CDKL1: variants seen among roughly 807,000 people sequenced by gnomAD.
CDKL1 encodes the protein cyclin dependent kinase like 1.
In CDKL1, 41 loss-of-function variants were observed where a neutral mutation model predicts 42.0. The ratio of observed to expected loss-of-function variants is 0.98; its 90% CI spans 0.76 to 1.27. CDKL1 has a LOEUF of 1.27. Among genes scored for constraint, CDKL1 ranks in the 50% most tolerant of loss-of-function variants. The pLI is 0.00. For missense variants in CDKL1, 394 were observed against 428.4 expected (o/e 0.92, Z 0.71); for synonymous variants, 153 against 158.6 (o/e 0.96, Z 0.26).
Position 50,346,651 on chromosome 14 carries a change from G to GTTTTTTTTTTTTTTTT in CDKL1, c.291-1594_291-1593insAAAAAAAAAAAAAAAA, listed in dbSNP as rs375954757. On this transcript the variant is annotated intron_variant, in intron 3 of 9. Transcript: ENST00000395834. ...TGATTATTCAATAAATTAAATTTTTGGTTTTTTTTTTTTTTTTGAGATGGA... is the reference window on the plus strand; with the variant it reads ...TGATTATTCAATAAATTAAATTTTTGTTTTTTTTTTTTTTTTGTTTTTTTTTTTTTTTTGAGATGGA... Among the ~76,000 whole-genome samples the GTTTTTTTTTTTTTTTT allele has an allele frequency of 3.2e-5, 4 of 123,636 alleles. 1 individual carries two copies. Among genetic ancestry groups the GTTTTTTTTTTTTTTTT allele is most frequent in the Non-Finnish European group, 5.0e-5 (3 of 59,976 alleles). 81.1% of individuals were successfully genotyped at this position (123,636 alleles called of 152,430 possible).
At chr14:50,372,233 T>G (rs1160546927) in intron 2 of CDKL1, among the ~76,000 whole-genome samples, 2 of 152,216 alleles carry the variant, frequency 1.3e-5, no homozygotes, top group African/African-American at 4.8e-5. Flanking sequence ...TTCTTGTGCC[T>G]CAGCCTCCTG....
chr14:50,396,468 A>G, intron 1 of CDKL1, 139 bp from the exon 2 acceptor site: 1 of 984,566 alleles, frequency 1.0e-6, no homozygotes, highest in Non-Finnish European at 1.2e-6. Flanking sequence ...TGTAAGTTAA[A>G]ATGTAACTTG....
intron 2 of CDKL1, chr14:50,378,233 C>T (rs1283652175): frequency 7.3e-7 from 1 of 1,366,242 alleles, no homozygotes; most frequent in Admixed American, 1.9e-5. Context: ...AGGGGGATGC[C>T]TGTCCTCCTT....
At chr14:50,348,241 A>C (rs1027613472) in intron 3 of CDKL1, among the ~76,000 whole-genome samples, 3 of 152,256 alleles carry the variant, frequency 2.0e-5, no homozygotes, top group African/African-American at 7.2e-5. Flanking sequence ...GGGAAGTAGC[A>C]GCCAAAGTCT....
At chr14:50,337,262 G>T (rs1475239169) in intron 7 of CDKL1, among the ~76,000 whole-genome samples, 1 of 151,582 alleles carries the variant, frequency 6.6e-6, no homozygotes, top group East Asian at 1.9e-4. Flanking sequence ...ACCTGCCTCG[G>T]CCTCCCAAAG....
intron 2 of CDKL1, among the ~76,000 whole-genome samples, chr14:50,368,810 A>G (rs2034502974): frequency 6.6e-6 from 1 of 150,574 alleles, no homozygotes; most frequent in African/African-American, 2.4e-5. Context: ...ACTAAGGTCA[A>G]TTGCTTGGCC....
At chr14:50,382,227 C>T (rs577010241) in intron 2 of CDKL1, among the ~76,000 whole-genome samples, 4 of 152,194 alleles carry the variant, frequency 2.6e-5, no homozygotes, top group East Asian at 3.9e-4. Flanking sequence ...CCGAGGCAGG[C>T]GGATCACGAG....
At chr14:50,347,335 T>C (rs149783595) in intron 3 of CDKL1, among the ~76,000 whole-genome samples, 1 of 151,994 alleles carries the variant, frequency 6.6e-6, no homozygotes, top group Non-Finnish European at 1.5e-5. Flanking sequence ...TTCTGTGGTG[T>C]TGGATTTAGA....
intron 3 of CDKL1, chr14:50,357,300 C>G (rs1191894545): frequency 6.6e-6 from 1 of 152,160 alleles, no homozygotes; most frequent in Non-Finnish European, 1.5e-5. Flanking sequence ...TTCCATTTGC[C>G]TGGAGGTCAC....
intron 7 of CDKL1, chr14:50,336,266 C>T (rs892315026): frequency 4.0e-6 from 5 of 1,249,628 alleles, no homozygotes; most frequent in Non-Finnish European, 5.2e-6. Flanking sequence ...ACTGCCTCTT[C>T]CTGTGTTTCT....
chr14:50,357,516 A>G (rs1001300008), intron 3 of CDKL1, among the ~76,000 whole-genome samples: 1 of 152,164 alleles, frequency 6.6e-6, no homozygotes, highest in Non-Finnish European at 1.5e-5. Context: ...CCGAGAACAC[A>G]GCCAAAAAAG....
rs1555337338 is a variant in CDKL1, at chr14:50,328,926, C to CAT, written c.*1147_*1148insAT. ...AGGTTTTATATATATATATAAAAAACACATATATATATATGTGTGTGTGTG... is the reference window on the plus strand; with the variant it reads ...AGGTTTTATATATATATATAAAAAACATACATATATATATATGTGTGTGTGTG... On this transcript the variant is annotated 3_prime_UTR_variant, in exon 10 of 10. Transcript: ENST00000395834. The CAT allele has an allele frequency of 2.3e-5, 2 of 87,270 alleles. No homozygotes were observed. The highest frequency in any genetic ancestry group is 8.5e-5 in the African/African-American group (2 of 23,420). 5.4% of individuals were successfully genotyped at this position (87,270 alleles called of 1,614,324 possible).
intron 2 of CDKL1, among the ~76,000 whole-genome samples, chr14:50,384,350 T>A (rs2035010023): frequency 1.3e-5 from 2 of 152,232 alleles, no homozygotes; most frequent in East Asian, 1.9e-4. Flanking sequence ...TTAAAATTTT[T>A]AAAAATTATT....
chr14:50,369,608 G>GCACACACA (rs34614605), intron 2 of CDKL1, among the ~76,000 whole-genome samples: 5 of 143,974 alleles, frequency 3.5e-5, no homozygotes. Context: ...ATACACACAT[G>GCACACACA]CACACACACA....
intron 2 of CDKL1, among the ~76,000 whole-genome samples, chr14:50,367,281 C>T (rs1403871624): frequency 6.6e-6 from 1 of 152,164 alleles, no homozygotes; most frequent in Non-Finnish European, 1.5e-5. Flanking sequence ...GGGTTGGGGT[C>T]GAGTGACCTT....
At chr14:50,387,906 T>C (rs2035134484) in intron 2 of CDKL1, among the ~76,000 whole-genome samples, 1 of 152,216 alleles carries the variant, frequency 6.6e-6, no homozygotes, top group South Asian at 2.1e-4. Context: ...TTGTTTGTTT[T>C]GTTTTTTTGA....
intron 2 of CDKL1, among the ~76,000 whole-genome samples, chr14:50,360,468 T>C (rs1038330330): frequency 6.6e-6 from 1 of 152,104 alleles, no homozygotes; most frequent in Admixed American, 6.5e-5. Context: ...AGTGCAGTGG[T>C]GAGATCTCAG....
At chr14:50,396,505 G>A (rs973105974) in intron 1 of CDKL1, among the ~76,000 whole-genome samples, 176 bp from the exon 2 acceptor site, 2 of 152,232 alleles carry the variant, frequency 1.3e-5, no homozygotes, top group African/African-American at 2.4e-5. Context: ...CGAGCTGTAA[G>A]ATAAGCTATC....
intron 2 of CDKL1, chr14:50,378,219 T>C: frequency 1.5e-6 from 2 of 1,366,482 alleles, no homozygotes; most frequent in Non-Finnish European, 2.0e-6. Context: ...GGTGCCTCCT[T>C]AGGAGGGGGA....
Sources: allele counts gnomAD v4.1 joint callset (sites outside exome capture counted in the v4.1 genomes callset), GRCh38; gene constraint gnomAD v4.1.1; transcripts MANE v1.5; gene names NCBI Gene and HGNC (gene_info 2026-07-23, HGNC 2026-07-21).